SARNP: variants seen among roughly 807,000 people sequenced by gnomAD.
SARNP encodes SAP domain containing ribonucleoprotein.
Under a neutral mutation model 38.1 loss-of-function variants are expected in SARNP, and 5 were observed. The observed-to-expected ratio is 0.13, with a 90% CI of 0.07 to 0.28. SARNP has a LOEUF of 0.28. Among genes scored for constraint, SARNP ranks in the 10% least tolerant of loss-of-function variants. The pLI is 1.00. For synonymous variants in SARNP, 84 were observed against 80.6 expected, an observed-to-expected ratio of 1.04 and a Z score of -0.23; for missense variants, 180 against 243.9, an observed-to-expected ratio of 0.74 and a Z score of 1.75.
chr12:55,801,844 C>T (rs1362933719), intron 2 of SARNP, among the ~76,000 whole-genome samples: 2 of 152,046 alleles, frequency 1.3e-5, no homozygotes, highest in Non-Finnish European at 2.9e-5. Context: ...TCTCAAACTC[C>T]GGGCCTCAAG....
At chr12:55,776,580 C>CA (rs1879189187) in intron 9 of SARNP, among the ~76,000 whole-genome samples, 1 of 151,984 alleles carries the variant, frequency 6.6e-6, no homozygotes, top group Non-Finnish European at 1.5e-5. Context: ...TTTTTCCCCC[C>CA]AAATGCTTTT....
intron 9 of SARNP, among the ~76,000 whole-genome samples, chr12:55,765,916 G>C (rs192370679): frequency 6.6e-6 from 1 of 152,020 alleles, no homozygotes; most frequent in African/African-American, 2.4e-5. Context: ...CCCTTCTAGC[G>C]TGACGGTGTT....
intron 9 of SARNP, among the ~76,000 whole-genome samples, chr12:55,785,231 T>C (rs1879456415): frequency 1.3e-5 from 2 of 152,152 alleles, no homozygotes; most frequent in African/African-American, 2.4e-5. Flanking sequence ...TCAATGTTAT[T>C]AGAGAAGGAA....
At chr12:55,763,187 GTATTCTT>G (rs1467662696) in intron 9 of SARNP, among the ~76,000 whole-genome samples, 6 of 152,102 alleles carry the variant, frequency 3.9e-5, no homozygotes, top group South Asian at 2.1e-4. Context: ...AAAAACATAA[GTATTCTT>G]GTCCTTAATA....
chr12:55,763,334 C>CAA, intron 9 of SARNP, among the ~76,000 whole-genome samples: 1 of 148,570 alleles, frequency 6.7e-6, no homozygotes, highest in East Asian at 2.0e-4. Flanking sequence ...TCCCCAGAGA[C>CAA]AGAGTCTCGC....
At chr12:55,790,272 G>A (rs1051312147) in intron 8 of SARNP, among the ~76,000 whole-genome samples, 6 of 151,562 alleles carry the variant, frequency 4.0e-5, no homozygotes, top group Non-Finnish European at 5.9e-5. Context: ...TAAGGCCACT[G>A]GACAAGGCCT....
At chr12:55,760,402 C>T (rs962891051) in intron 10 of SARNP, 149 bp downstream of exon 10, 4 of 589,922 alleles carry the variant, frequency 6.8e-6, no homozygotes, top group African/African-American at 3.7e-5. Context: ...TTTATTCACT[C>T]TCACTTCCTG....
intron 10 of SARNP, 187 bp downstream of exon 10, chr12:55,760,364 G>C: frequency 1.8e-6 from 1 of 544,930 alleles, no homozygotes; most frequent in Non-Finnish European, 3.2e-6. Context: ...TTAAGAAGTA[G>C]GTGGGAAAAC....
chr12:55,798,134 T>C (rs1879873110), intron 4 of SARNP, among the ~76,000 whole-genome samples: 1 of 152,192 alleles, frequency 6.6e-6, no homozygotes, highest in Non-Finnish European at 1.5e-5. Context: ...CTATATCTAA[T>C]TATAAACATC....
chr12:55,783,708 G>C (rs989229860), intron 9 of SARNP, among the ~76,000 whole-genome samples: 2 of 151,974 alleles, frequency 1.3e-5, no homozygotes, highest in Admixed American at 1.3e-4. Context: ...AGTCAGCCTA[G>C]GAAAAATAGC....
At chr12:55,756,452 G>C (rs1878507220), downstream of SARNP, 1 of 152,144 alleles carries the variant, frequency 6.6e-6, no homozygotes, top group African/African-American at 2.4e-5. Flanking sequence ...ATTTCATTAA[G>C]CACAAAACCA....
At chr12:55,811,926 C>T (rs1880339436) in intron 1 of SARNP, among the ~76,000 whole-genome samples, 1 of 152,210 alleles carries the variant, frequency 6.6e-6, no homozygotes, top group African/African-American at 2.4e-5. Flanking sequence ...TTCTTTCATA[C>T]AGATTATTGT....
chr12:55,791,028 G>A (rs1879652160), intron 7 of SARNP, among the ~76,000 whole-genome samples: 1 of 152,180 alleles, frequency 6.6e-6, no homozygotes, highest in Non-Finnish European at 1.5e-5. Flanking sequence ...AATGAATAGA[G>A]ATACATGCTA....
chr12:55,780,800 A>C (rs975740240), intron 9 of SARNP, among the ~76,000 whole-genome samples: 47 of 152,266 alleles, frequency 3.1e-4, no homozygotes, highest in African/African-American at 1.1e-3. Flanking sequence ...ATGCTGGACA[A>C]GGGGATGATT....
intron 9 of SARNP, among the ~76,000 whole-genome samples, chr12:55,777,097 G>C (rs552977877): frequency 6.6e-6 from 1 of 152,284 alleles, no homozygotes; most frequent in Admixed American, 6.5e-5. Flanking sequence ...GTATTGACCA[G>C]GGAAAATAGA....
In SARNP at chr12:55,789,157, G is replaced by C. The variant is rs750045060; in HGVS notation, c.433-14C>G. On this transcript the variant is annotated splice_polypyrimidine_tract_variant and intron_variant, in intron 8 of 10. Coordinates refer to ENST00000336133, the MANE Select transcript of SARNP (RefSeq NM_033082.4). ...ATCCAAGTTAACCTATAAAAACATA[G>C]GGGAAAGAACATAGTTTTAAAAAAT... The C allele has an allele frequency of 7.0e-6, 11 of 1,561,532 alleles. No homozygotes were observed. The South Asian group carries it at 9.4e-5, about 13-fold the overall frequency.
chr12:55,782,477 A>G (rs1174040970), intron 9 of SARNP, among the ~76,000 whole-genome samples: 1 of 152,224 alleles, frequency 6.6e-6, no homozygotes, highest in Non-Finnish European at 1.5e-5. Flanking sequence ...AGTTAATACT[A>G]CAGTACTAAG....
intron 1 of SARNP, among the ~76,000 whole-genome samples, chr12:55,807,770 T>A (rs1180724666): frequency 6.7e-6 from 1 of 150,024 alleles, no homozygotes; most frequent in Non-Finnish European, 1.5e-5. Flanking sequence ...GCCGAGATCG[T>A]GCCACTGTAC....
At chr12:55,773,773 C>T (rs1419160055) in intron 9 of SARNP, among the ~76,000 whole-genome samples, 2 of 152,096 alleles carry the variant, frequency 1.3e-5, no homozygotes, top group Non-Finnish European at 2.9e-5. Context: ...TGCAATGGTG[C>T]GATCTCTGCT....
Sources: allele counts gnomAD v4.1 joint callset (sites outside exome capture counted in the v4.1 genomes callset), GRCh38; gene constraint gnomAD v4.1.1; transcripts MANE v1.5; gene names NCBI Gene and HGNC (gene_info 2026-07-23, HGNC 2026-07-21).